The following DPYSL3 variants were observed in gnomAD, a reference collection of about 807,000 sequenced individuals.
DPYSL3 encodes dihydropyrimidinase like 3.
In DPYSL3, 16 loss-of-function variants were observed where a neutral mutation model predicts 66.1. That is an observed-to-expected ratio of 0.24 (90% confidence interval 0.16 to 0.37). The LOEUF (loss-of-function observed/expected upper bound fraction) is 0.37. DPYSL3 is among the 10% of genes least tolerant of loss of function. The pLI is 1.00. For synonymous variants in DPYSL3, 338 were observed against 345.1 expected (o/e 0.98, Z 0.23); for missense variants, 738 against 916.2 (o/e 0.81, Z 2.51).
intron 1 of DPYSL3, among the ~76,000 whole-genome samples, chr5:147,489,842 AC>A (rs1753389042): frequency 6.6e-6 from 1 of 152,022 alleles, no homozygotes; most frequent in South Asian, 2.1e-4. Context: ...CTGAAAAGTT[AC>A]CGATGGATAC....
chr5:147,445,612 T>C (rs900643005), intron 1 of DPYSL3, among the ~76,000 whole-genome samples: 7 of 152,108 alleles, frequency 4.6e-5, no homozygotes, highest in African/African-American at 1.2e-4. Flanking sequence ...CATGGCATGA[T>C]TGGGCCTTTG....
intron 1 of DPYSL3, among the ~76,000 whole-genome samples, chr5:147,492,051 G>A (rs955385174): frequency 3.9e-5 from 6 of 151,922 alleles, no homozygotes; most frequent in Non-Finnish European, 7.4e-5. Flanking sequence ...GAAGCCATAG[G>A]GGGGGAAATA....
chr5:147,448,660 G>C (rs530899728), intron 1 of DPYSL3, among the ~76,000 whole-genome samples: 3 of 152,114 alleles, frequency 2.0e-5, no homozygotes, highest in Non-Finnish European at 4.4e-5. Context: ...TAAGCAGGAA[G>C]GTTTTTTATT....
At chr5:147,425,990 T>G (rs1251706537) in intron 1 of DPYSL3, among the ~76,000 whole-genome samples, 1 of 151,248 alleles carries the variant, frequency 6.6e-6, no homozygotes, top group African/African-American at 2.4e-5. Context: ...ACAAAGATAT[T>G]TCAACTCCAA....
chr5:147,477,606 C>A (rs536871810), intron 1 of DPYSL3, among the ~76,000 whole-genome samples: 1 of 109,598 alleles, frequency 9.1e-6, no homozygotes, highest in African/African-American at 3.4e-5. Flanking sequence ...GACGGAGTCT[C>A]GCTCTGTCGC....
At chr5:147,472,445 C>T (rs1044598866) in intron 1 of DPYSL3, among the ~76,000 whole-genome samples, 4 of 152,174 alleles carry the variant, frequency 2.6e-5, no homozygotes, top group African/African-American at 9.7e-5. Context: ...CACTTAACCT[C>T]TTTTCATTTC....
chr5:147,453,389 C>T (rs984415958), intron 1 of DPYSL3, among the ~76,000 whole-genome samples: 11 of 152,164 alleles, frequency 7.2e-5, no homozygotes, highest in Admixed American at 2.0e-4. Flanking sequence ...TGTGTGGCGC[C>T]GGCTGGACTG....
chr5:147,462,037 G>A lies in DPYSL3; in HGVS notation c.382-37074C>T, dbSNP rs373649629. 2.4e-4 allele frequency among the ~76,000 whole-genome samples: 37 copies of A among 151,726 alleles called. No homozygotes were observed. The East Asian group carries it at 6.6e-3, about 27-fold the overall frequency. On this transcript the variant is annotated intron_variant, in intron 1 of 13. Coordinates refer to ENST00000343218, the MANE Select transcript of DPYSL3 (RefSeq NM_001197294.2). ...TTAAAGACCTGAAGGATGCAGGGCT[G>A]CCAGTCTCCATCATATCACCATTTG...
intron 1 of DPYSL3, among the ~76,000 whole-genome samples, chr5:147,459,153 T>C (rs535083423): frequency 6.6e-6 from 1 of 152,194 alleles, no homozygotes; most frequent in South Asian, 2.1e-4. Context: ...TGTCCTTTAA[T>C]CTCCAAAACA....
chr5:147,402,582 C>T lies in DPYSL3; in HGVS notation c.1154-886G>A, dbSNP rs1038707500. Among the ~76,000 whole-genome samples, 3 of 136,188 alleles carry T rather than the reference C, an allele frequency of 2.2e-5. No homozygotes were observed. In the South Asian group the frequency reaches 6.2e-4, roughly 28 times the overall value. 89.3% of individuals were successfully genotyped at this position (136,188 alleles called of 152,430 possible). On this transcript the variant is annotated intron_variant, in intron 8 of 13. Transcript: ENST00000343218. ...CAGGATGGTCTTGATCTCCTGACCT[C>T]GTGATCCGCCCGCCTCGGCCTCCCA...
chr5:147,506,082 A>G (rs1753682091), intron 1 of DPYSL3, among the ~76,000 whole-genome samples: 1 of 152,336 alleles, frequency 6.6e-6, no homozygotes, highest in Non-Finnish European at 1.5e-5. Context: ...AGCACTATTT[A>G]GTATAGGCAC....
At chr5:147,434,816 C>G (rs1032440528) in intron 1 of DPYSL3, among the ~76,000 whole-genome samples, 1 of 152,064 alleles carries the variant, frequency 6.6e-6, no homozygotes, top group African/African-American at 2.4e-5. Context: ...GTGAAACTGT[C>G]CTAGACGATA....
chr5:147,498,272 CTT>C (rs141338657), intron 1 of DPYSL3, among the ~76,000 whole-genome samples: 10 of 152,024 alleles, frequency 6.6e-5, no homozygotes, highest in African/African-American at 2.4e-4. Flanking sequence ...TGATCTCATT[CTT>C]TTTTTATGGC....
chr5:147,464,745 A>G (rs983986635), intron 1 of DPYSL3, among the ~76,000 whole-genome samples: 2 of 152,166 alleles, frequency 1.3e-5, no homozygotes, highest in African/African-American at 4.8e-5. Flanking sequence ...GGACCAGTGA[A>G]GGTACTAGCT....
intron 6 of DPYSL3, among the ~76,000 whole-genome samples, chr5:147,410,936 G>C (rs191193980): frequency 6.6e-6 from 1 of 152,258 alleles, no homozygotes; most frequent in East Asian, 1.9e-4. Context: ...AGCAGCGGGA[G>C]GGGAAACCAG....
chr5:147,505,056 T>G (rs905965176), intron 1 of DPYSL3, among the ~76,000 whole-genome samples: 1 of 152,210 alleles, frequency 6.6e-6, no homozygotes, highest in Non-Finnish European at 1.5e-5. Context: ...AAATTATAAA[T>G]GAAAAGTTGT....
intron 1 of DPYSL3, among the ~76,000 whole-genome samples, chr5:147,458,350 A>T (rs952087314): frequency 6.6e-6 from 1 of 152,214 alleles, no homozygotes; most frequent in Non-Finnish European, 1.5e-5. Context: ...ATGACAGTTT[A>T]CAAATACCAT....
At chr5:147,399,297 A>G (rs1255787395) in intron 10 of DPYSL3, 45 bp from the exon 11 acceptor site, 1 of 1,581,900 alleles carries the variant, frequency 6.3e-7, no homozygotes, top group South Asian at 1.2e-5. Context: ...AGCTACATAT[A>G]TATCAATTCA....
At chr5:147,448,346 C>T (rs1399572922) in intron 1 of DPYSL3, among the ~76,000 whole-genome samples, 2 of 152,112 alleles carry the variant, frequency 1.3e-5, no homozygotes, top group Non-Finnish European at 2.9e-5. Context: ...TGGCCTGTGT[C>T]GGACTGTCAG....
Sources: gnomAD v4.1 joint callset for allele counts (sites outside exome capture counted in the v4.1 genomes callset) on GRCh38, gnomAD v4.1.1 for gene constraint, MANE v1.5 for transcripts, NCBI Gene and HGNC (gene_info 2026-07-23, HGNC 2026-07-21) for gene names.